Variants in KCTD8 observed in about 807,000 individuals in gnomAD.
The protein encoded by KCTD8 is potassium channel tetramerization domain containing 8, also known as BTB/POZ domain-containing protein KCTD8.
A neutral mutation model predicts 31.5 loss-of-function variants in KCTD8; 27 were observed. That is an observed-to-expected ratio of 0.86 (90% confidence interval 0.63 to 1.18). The LOEUF is 1.18. Among genes scored for constraint, KCTD8 ranks in the 50% most tolerant of loss-of-function variants. The pLI is 0.00. For synonymous variants in KCTD8, 290 were observed against 280.0 expected (o/e 1.04, Z -0.36); for missense variants, 658 against 647.7 (o/e 1.02, Z -0.17).
At chr4:44,361,428 G>A (rs552281557) in intron 1 of KCTD8, among the ~76,000 whole-genome samples, 1 of 152,040 alleles carries the variant, frequency 6.6e-6, no homozygotes, top group African/African-American at 2.4e-5. Context: ...AGATGGATTT[G>A]GGTCAGAAAT....
At chr4:44,436,292 G>A (rs1315272513) in intron 1 of KCTD8, among the ~76,000 whole-genome samples, 1 of 152,054 alleles carries the variant, frequency 6.6e-6, no homozygotes, top group Non-Finnish European at 1.5e-5. Flanking sequence ...AAGAAAGCAA[G>A]CAGCCATATA....
intron 1 of KCTD8, among the ~76,000 whole-genome samples, chr4:44,429,190 C>T (rs1258699799): frequency 6.6e-6 from 1 of 151,772 alleles, no homozygotes; most frequent in South Asian, 2.1e-4. Context: ...TAAAAGCATC[C>T]CTTCTGGAAA....
intron 1 of KCTD8, among the ~76,000 whole-genome samples, chr4:44,217,649 C>G (rs181681467): frequency 7.2e-5 from 11 of 152,272 alleles, no homozygotes; most frequent in African/African-American, 2.6e-4. Flanking sequence ...CAACTGGTTG[C>G]CAGTGCGGCT....
intron 1 of KCTD8, among the ~76,000 whole-genome samples, chr4:44,280,061 A>C (rs1716861656): frequency 6.6e-6 from 1 of 152,072 alleles, no homozygotes; most frequent in African/African-American, 2.4e-5. Context: ...ATTTTCAGTC[A>C]TCTTGGAGAA....
intron 1 of KCTD8, among the ~76,000 whole-genome samples, chr4:44,301,302 A>G (rs1173860698): frequency 6.6e-6 from 1 of 152,168 alleles, no homozygotes; most frequent in Non-Finnish European, 1.5e-5. Context: ...ACTGACTTCC[A>G]CAATGGTTGA....
At chr4:44,206,449 C>G (rs1242119298) in intron 1 of KCTD8, among the ~76,000 whole-genome samples, 2 of 152,132 alleles carry the variant, frequency 1.3e-5, no homozygotes, top group Admixed American at 1.3e-4. Flanking sequence ...TAGTGGCACT[C>G]AAGATGAAGC....
chr4:44,408,619 GTGTT>G (rs940974889), intron 1 of KCTD8, among the ~76,000 whole-genome samples: 2 of 152,188 alleles, frequency 1.3e-5, no homozygotes, highest in East Asian at 1.9e-4. Context: ...TAGTATTAGG[GTGTT>G]TGTTTGTTTG....
At chr4:44,378,305 C>G (rs1719970773) in intron 1 of KCTD8, among the ~76,000 whole-genome samples, 1 of 148,372 alleles carries the variant, frequency 6.7e-6, no homozygotes, top group Non-Finnish European at 1.5e-5. Flanking sequence ...ACATACTATT[C>G]TCTGATCTGC....
chr4:44,278,108 T>C (rs568950715), intron 1 of KCTD8, among the ~76,000 whole-genome samples: 2 of 152,124 alleles, frequency 1.3e-5, no homozygotes, highest in African/African-American at 4.8e-5. Flanking sequence ...TTTGGTTTCC[T>C]CTTCTATCTT....
chr4:44,379,496 T>C (rs769713708), intron 1 of KCTD8, among the ~76,000 whole-genome samples: 6 of 152,122 alleles, frequency 3.9e-5, no homozygotes, highest in Non-Finnish European at 5.9e-5. Flanking sequence ...GTTTATTTAA[T>C]TTGGAAATTT....
chr4:44,324,611 A>T (rs1181333964), intron 1 of KCTD8, among the ~76,000 whole-genome samples: 1 of 152,100 alleles, frequency 6.6e-6, no homozygotes, highest in Non-Finnish European at 1.5e-5. Flanking sequence ...AATAAATATT[A>T]ACCATAAAAT....
intron 1 of KCTD8, among the ~76,000 whole-genome samples, chr4:44,383,692 G>A (rs1325103712): frequency 6.6e-6 from 1 of 151,910 alleles, no homozygotes; most frequent in Non-Finnish European, 1.5e-5. Flanking sequence ...AGACTTAAAT[G>A]TAAGACCTGA....
At chr4:44,436,491 T>G (rs1036230235) in intron 1 of KCTD8, among the ~76,000 whole-genome samples, 1 of 152,126 alleles carries the variant, frequency 6.6e-6, no homozygotes, top group African/African-American at 2.4e-5. Flanking sequence ...AAAGGCTATA[T>G]TTTTGAGACA....
chr4:44,259,651 A>T (rs912999771), intron 1 of KCTD8, among the ~76,000 whole-genome samples: 10 of 151,966 alleles, frequency 6.6e-5, no homozygotes, highest in African/African-American at 1.9e-4. Context: ...CAAGTACAGG[A>T]GTGAAATATT....
chr4:44,220,142 G>A (rs1159885791), intron 1 of KCTD8, among the ~76,000 whole-genome samples: 1 of 152,108 alleles, frequency 6.6e-6, no homozygotes, highest in Non-Finnish European at 1.5e-5. Context: ...CTTACAAGAG[G>A]TGACTACCAT....
intron 1 of KCTD8, among the ~76,000 whole-genome samples, chr4:44,254,942 T>C (rs1715949704): frequency 6.6e-6 from 1 of 151,872 alleles, no homozygotes; most frequent in Admixed American, 6.6e-5. Flanking sequence ...GGAAATTCAC[T>C]CTCTCCCCTG....
At chr4:44,364,290 C>A (rs1032037442) in intron 1 of KCTD8, among the ~76,000 whole-genome samples, 3 of 151,956 alleles carry the variant, frequency 2.0e-5, no homozygotes, top group East Asian at 3.9e-4. Context: ...TGAATAGACA[C>A]CACACACACA....
chr4:44,368,603 A>T lies in KCTD8; in HGVS notation c.961+78960T>A, dbSNP rs1177188732. On this transcript the variant is annotated intron_variant, in intron 1 of 1. Transcript: ENST00000360029. Reference sequence around the variant, plus strand: ...CTGACTGTTGGAATTAGTCAGCAGCAGAAAGATAAATATGGATTTTGGCAC... The same window carrying T: ...CTGACTGTTGGAATTAGTCAGCAGCTGAAAGATAAATATGGATTTTGGCAC... Among the ~76,000 whole-genome samples the T allele has an allele frequency of 2.0e-5, 3 of 152,130 alleles. No individual in the cohort carries two copies. In the East Asian group the frequency reaches 5.8e-4, roughly 29 times the overall value.
At chr4:44,291,333 G>A (rs1717265971) in intron 1 of KCTD8, among the ~76,000 whole-genome samples, 2 of 151,894 alleles carry the variant, frequency 1.3e-5, no homozygotes. Flanking sequence ...AATAAAGCCA[G>A]AAACCTACAA....
Sources: gnomAD v4.1 joint callset for allele counts (sites outside exome capture counted in the v4.1 genomes callset) on GRCh38, gnomAD v4.1.1 for gene constraint, MANE v1.5 for transcripts, NCBI Gene and HGNC (gene_info 2026-07-23, HGNC 2026-07-21) for gene names.